Variants in SBSPON observed in about 807,000 individuals in gnomAD.
SBSPON encodes the protein somatomedin B and thrombospondin type 1 domain containing.
Under a neutral mutation model 35.8 loss-of-function variants are expected in SBSPON, and 30 were observed. That is an observed-to-expected ratio of 0.84 (90% CI 0.63 to 1.14). The LOEUF is 1.14. SBSPON is among the 50% of genes most tolerant of loss of function. SBSPON has a pLI of 0.00. For synonymous variants in SBSPON, 136 were observed against 135.9 expected, an observed-to-expected ratio of 1.00 and a Z score of 0.00; for missense variants, 364 against 357.7, an observed-to-expected ratio of 1.02 and a Z score of -0.14.
At chr8:73,071,917 G>A (rs1315613619) in intron 2 of SBSPON, 47 bp from the exon 3 acceptor site, 1 of 1,268,640 alleles carries the variant, frequency 7.9e-7, no homozygotes, top group Admixed American at 1.7e-5. Context: ...AAAGTACTCA[G>A]ACCATCGTTT....
chr8:73,071,954 AG>A, intron 2 of SBSPON, 84 bp from the exon 3 acceptor site: 1 of 802,940 alleles, frequency 1.2e-6, no homozygotes. Flanking sequence ...TACCTGTCTA[AG>A]GGTCTCCATT....
intron 1 of SBSPON, among the ~76,000 whole-genome samples, chr8:73,092,324 T>G (rs1171202668): frequency 6.6e-6 from 1 of 152,190 alleles, no homozygotes; most frequent in Non-Finnish European, 1.5e-5. Context: ...CATCTTCAGA[T>G]TTTTAAGACC....
chr8:73,081,322 C>G, intron 1 of SBSPON, 109 bp from the exon 2 acceptor site: 4 of 901,052 alleles, frequency 4.4e-6, no homozygotes, highest in Non-Finnish European at 4.9e-6. Flanking sequence ...CTTTGCCTGG[C>G]CCCAGGCCCT....
intron 2 of SBSPON, among the ~76,000 whole-genome samples, chr8:73,072,623 C>T (rs905935177): frequency 2.6e-5 from 4 of 152,156 alleles, no homozygotes; most frequent in Admixed American, 6.5e-5. Flanking sequence ...GAGCCGACAT[C>T]GCGCCCCTGC....
intron 1 of SBSPON, among the ~76,000 whole-genome samples, chr8:73,090,075 G>T (rs576058399): frequency 6.6e-6 from 1 of 152,122 alleles, no homozygotes; most frequent in African/African-American, 2.4e-5. Flanking sequence ...ATAGGGTTTC[G>T]CCATGTTGGC....
intron 1 of SBSPON, among the ~76,000 whole-genome samples, 197 bp downstream of exon 1, chr8:73,092,657 G>T (rs916535794): frequency 1.1e-4 from 16 of 152,092 alleles, no homozygotes; most frequent in African/African-American, 3.6e-4. Flanking sequence ...GGGACACTTC[G>T]ATGTCTAGCA....
At position 73,070,747 on chromosome 8, in the gene SBSPON, A is replaced by G. The variant is rs142810769; in HGVS notation, c.501-766T>C. On this transcript the variant is annotated intron_variant, in intron 3 of 4. Coordinates refer to ENST00000297354, the MANE Select transcript of SBSPON (RefSeq NM_153225.4). ...CTTCAGTGCAGTTTTCCAATTCTTC[A>G]GGGAAACAAGACATAGTAAAATCTC... is the stretch of plus-strand genomic sequence containing the variant. 2.2e-3 allele frequency among the ~76,000 whole-genome samples: 337 copies of G among 152,326 alleles called. 2 individuals carry two copies. Among genetic ancestry groups the G allele is most frequent in the African/African-American group, 7.8e-3 (324 of 41,584 alleles).
At chr8:73,089,577 TG>T (rs1810894976) in intron 1 of SBSPON, among the ~76,000 whole-genome samples, 1 of 150,722 alleles carries the variant, frequency 6.6e-6, no homozygotes. Context: ...AAAAAAAAAT[TG>T]TTGGGAGGAT....
At chr8:73,092,000 C>T (rs1810944711) in intron 1 of SBSPON, among the ~76,000 whole-genome samples, 1 of 152,138 alleles carries the variant, frequency 6.6e-6, no homozygotes. Flanking sequence ...GGGCGACTTC[C>T]ACTTCCATGG....
rs777021005 is a variant in SBSPON at position 73,067,394 on chromosome 8, G to C, written c.742C>G (p.Arg248Gly). Residue 248 changes from arginine (R) to glycine (G), a missense_variant, in exon 5 of 5, where the codon CGG becomes GGG. Arg to Gly is a moderately radical substitution (Grantham distance 125). Coordinates refer to ENST00000297354, the MANE Select transcript of SBSPON (RefSeq NM_153225.4). ...GGACAAGAACACTGGTCTACTCGCC[G>C]AACTTTTTTCCAAGTTCCTTGACAC... Reference protein sequence around the residue: ...PRCQGTWKKVRRVDQCSCPAV... With the variant: ...PRCQGTWKKVGRVDQCSCPAV... 4 of 1,611,628 alleles carry C rather than the reference G, an allele frequency of 2.5e-6. No homozygotes were observed. The African/African-American group carries it at 5.4e-5, about 22-fold the overall frequency.
intron 2 of SBSPON, among the ~76,000 whole-genome samples, chr8:73,077,489 G>A (rs1810615220): frequency 6.6e-6 from 1 of 152,198 alleles, no homozygotes; most frequent in Non-Finnish European, 1.5e-5. Context: ...ATGCTCCCAC[G>A]CCAACCTATG....
Position 73,089,559 on chromosome 8 carries a change from CA to C in SBSPON, c.214+3294del, listed in dbSNP as rs57649090. 3.5e-3 allele frequency among the ~76,000 whole-genome samples: 397 copies of C among 112,298 alleles called. 1 individual carries two copies. Among genetic ancestry groups the C allele is most frequent in the African/African-American group, 5.0e-3 (171 of 34,522 alleles). 73.7% of individuals were successfully genotyped at this position (112,298 alleles called of 152,430 possible). ...TGATAGAGTGAATGAGACTCCGTCT[CA>C]AAAAAAAAAAAAAAATTGTTGGGAG... On this transcript the variant is annotated intron_variant, in intron 1 of 4. Transcript: ENST00000297354.
At position 73,092,981 on chromosome 8, in the gene SBSPON, A is replaced by C. The variant is rs1563493618; in HGVS notation, c.87T>G (p.Cys29Trp). 6.4e-7 allele frequency: 1 copy of C among 1,565,512 alleles called. No individual in the cohort carries two copies. Among genetic ancestry groups the C allele is most frequent in the South Asian group, 1.2e-5 (1 of 85,314 alleles). The stretch of plus-strand genomic sequence containing the variant: ...CGAAGCAGGCGGGGTCCCGGCCGGG[A>C]CAGCAGCGCCCGGCCTCGGCGCAGC... ...QAGCAEAGRC[C>W]PGRDPACFAR... is the part of the protein sequence containing the mutation. The change falls in exon 1 of 5, where the codon TGT (cysteine) becomes TGG (tryptophan). Residue 29 changes from cysteine to tryptophan, a missense_variant. Physicochemically the swap from Cys to Trp is radical, Grantham distance 215. Coordinates refer to ENST00000297354, the MANE Select transcript of SBSPON (RefSeq NM_153225.4).
At chr8:73,089,041 G>A (rs1193216977) in intron 1 of SBSPON, among the ~76,000 whole-genome samples, 1 of 152,180 alleles carries the variant, frequency 6.6e-6, no homozygotes, top group Non-Finnish European at 1.5e-5. Context: ...CTTATTTGGG[G>A]TGTCCCCCTC....
intron 1 of SBSPON, among the ~76,000 whole-genome samples, chr8:73,092,272 G>A (rs1810949995): frequency 6.6e-6 from 1 of 152,172 alleles, no homozygotes; most frequent in Non-Finnish European, 1.5e-5. Context: ...CACCTCCTAG[G>A]AGAAAGAGGC....
At chr8:73,076,408 T>G (rs1810595410) in intron 2 of SBSPON, among the ~76,000 whole-genome samples, 1 of 152,114 alleles carries the variant, frequency 6.6e-6, no homozygotes, top group Non-Finnish European at 1.5e-5. Context: ...GTTTTCCAGG[T>G]GGACCCAATG....
chr8:73,079,799 G>A (rs1175237448), intron 2 of SBSPON, among the ~76,000 whole-genome samples: 2 of 152,056 alleles, frequency 1.3e-5, no homozygotes, highest in African/African-American at 4.8e-5. Context: ...CTCTCACTAG[G>A]CTGTGATCTA....
chr8:73,068,793 C>T (rs936588818), intron 4 of SBSPON, among the ~76,000 whole-genome samples: 3 of 152,092 alleles, frequency 2.0e-5, no homozygotes, highest in African/African-American at 4.8e-5. Flanking sequence ...ACTAGGACCC[C>T]GTAGAGGCCA....
At chr8:73,074,534 A>G (rs1201715052) in intron 2 of SBSPON, 1 of 966,690 alleles carries the variant, frequency 1.0e-6, no homozygotes, top group Admixed American at 6.2e-5. Context: ...AATATAGCAC[A>G]GCCAGGCAAC....
Sources: gnomAD v4.1 joint callset for allele counts (sites outside exome capture counted in the v4.1 genomes callset) on GRCh38, gnomAD v4.1.1 for gene constraint, MANE v1.5 for transcripts, NCBI Gene and HGNC (gene_info 2026-07-23, HGNC 2026-07-21) for gene names.